The following LMO4 variants were observed in gnomAD, a reference collection of about 807,000 sequenced individuals.
LMO4 encodes the protein LIM domain transcription factor LMO4.
LMO4 carries 3 observed loss-of-function variants against 18.5 expected under a neutral mutation model. That is an observed-to-expected ratio of 0.16 (90% CI 0.07 to 0.42). The LOEUF is 0.42. Ranked by LOEUF, LMO4 falls within the 10% of genes least tolerant of loss-of-function variation. The pLI is 0.99. For synonymous variants in LMO4, 100 were observed against 88.1 expected (o/e 1.14, Z -0.76); for missense variants, 121 against 219.9 (o/e 0.55, Z 2.84).
intron 4 of LMO4, among the ~76,000 whole-genome samples, chr1:87,342,669 G>GT (rs1274118677): frequency 1.3e-5 from 2 of 151,942 alleles, no homozygotes; most frequent in African/African-American, 2.4e-5. Context: ...CCCTGTTGGC[G>GT]TAAGTGTCTC....
intron 4 of LMO4, 116 bp from the exon 5 acceptor site, chr1:87,344,672 A>T: frequency 9.8e-7 from 1 of 1,017,728 alleles, no homozygotes; most frequent in Non-Finnish European, 1.5e-6. Context: ...ACAGTTGGAA[A>T]GTAATCTAAT....
At position 87,341,650 on chromosome 1, in the gene LMO4, A is replaced by C. The variant is rs528365284; in HGVS notation, c.489+1448A>C. Among the ~76,000 whole-genome samples, 93 of 152,266 alleles carry C rather than the reference A, an allele frequency of 6.1e-4. 2 individuals carry two copies. In the South Asian group the frequency reaches 9.7e-3, roughly 16 times the overall value. ...TTATATTTGCCCTTTTCCCTTGCTC[A>C]AGTTTATGAGGTAATTTTAAATGTA... On this transcript the variant is annotated intron_variant, in intron 4 of 4. Transcript: ENST00000370544.
At chr1:87,342,636 G>T (rs930398356) in intron 4 of LMO4, among the ~76,000 whole-genome samples, 24 of 152,072 alleles carry the variant, frequency 1.6e-4, no homozygotes, top group Admixed American at 1.5e-3. Flanking sequence ...GTGTTTTGGG[G>T]GTGCTGTTAA....
rs1650616362 is a variant in LMO4, at chr1:87,345,989, G to A, written c.*1193G>A. ...GGCACAACCATCCTGTTCTCTTATT[G>A]AGTTTATAGCTTTTGAAGGAAGTCA... On this transcript the variant is annotated 3_prime_UTR_variant, in exon 5 of 5. Coordinates refer to ENST00000370544, the MANE Select transcript of LMO4 (RefSeq NM_006769.4). 6.6e-6 allele frequency: 1 copy of A among 152,044 alleles called. No individual in the cohort carries two copies. Among genetic ancestry groups the A allele is most frequent in the African/African-American group, 2.4e-5 (1 of 41,380 alleles). 9.4% of individuals were successfully genotyped at this position (152,044 alleles called of 1,614,324 possible). A position where few individuals can be genotyped will look rare whatever the true frequency, so the allele number is the denominator to read the frequency against.
At chr1:87,331,834 C>T in intron 1 of LMO4, 179 bp from the exon 2 acceptor site, 1 of 587,726 alleles carries the variant, frequency 1.7e-6, no homozygotes, top group Non-Finnish European at 3.0e-6. Flanking sequence ...CGGCTGCTGC[C>T]GGCGAGCCTC....
At chr1:87,333,468 A>G (rs1250438619) in intron 2 of LMO4, among the ~76,000 whole-genome samples, 1 of 152,154 alleles carries the variant, frequency 6.6e-6, no homozygotes, top group African/African-American at 2.4e-5. Flanking sequence ...ATTTTGTTCA[A>G]AGTTTAGCTC....
rs560740370 is a variant in LMO4 at position 87,346,670 on chromosome 1, C to T, written c.*1874C>T. The T allele has an allele frequency of 1.7e-4, 26 of 152,076 alleles. No individual in the cohort carries two copies. Among genetic ancestry groups the T allele is most frequent in the African/African-American group, 6.3e-4 (26 of 41,498 alleles). The allele number at this position is 152,076 out of a possible 1,614,324, so 9.4% of individuals were successfully genotyped here. A position where few individuals can be genotyped will look rare whatever the true frequency, so the allele number is the denominator to read the frequency against. On this transcript the variant is annotated 3_prime_UTR_variant, in exon 5 of 5. Coordinates refer to ENST00000370544, the MANE Select transcript of LMO4 (RefSeq NM_006769.4). ...TTCCAGGGCAGGGGAAAAAAAAAAT[C>T]AGTTGAACTTCAAACCTCCTAGAGG...
At chr1:87,332,904 A>G (rs1650197963) in intron 2 of LMO4, among the ~76,000 whole-genome samples, 1 of 152,190 alleles carries the variant, frequency 6.6e-6, no homozygotes, top group South Asian at 2.1e-4. Flanking sequence ...GCAATAATTC[A>G]GTTAGTGTGT....
At position 87,348,384 on chromosome 1, in the gene LMO4, A is replaced by G; in HGVS notation, c.*3588A>G. 3.8e-6 allele frequency: 1 copy of G among 266,208 alleles called. No homozygotes were observed. The highest frequency in any genetic ancestry group is 4.3e-5 in the South Asian group (1 of 23,214). The allele number at this position is 266,208 out of a possible 1,614,324, so 16.5% of individuals were successfully genotyped here. On this transcript the variant is annotated 3_prime_UTR_variant, in exon 5 of 5. Transcript: ENST00000370544. ...TGTTACTTATAGCTTTGTTACTAAGACTCACCTATTGTTAGTGCAGCCAAG... is the reference window on the plus strand; with the variant it reads ...TGTTACTTATAGCTTTGTTACTAAGGCTCACCTATTGTTAGTGCAGCCAAG...
At chr1:87,339,500 T>G in intron 2 of LMO4, 36 bp from the exon 3 acceptor site, 1 of 1,468,700 alleles carries the variant, frequency 6.8e-7, no homozygotes, top group Non-Finnish European at 9.5e-7. Context: ...TGGTTTAGGA[T>G]TATTCACTGG....
rs1650273573 is a variant in LMO4, at chr1:87,335,299, G to A, written c.236+3048G>A. Among the ~76,000 whole-genome samples the A allele has an allele frequency of 2.0e-5, 3 of 152,154 alleles. No individual in the cohort carries two copies. The South Asian group carries it at 6.2e-4, about 31-fold the overall frequency. ...AGCGAGAGGAGGAAGTTCGGAGACC[G>A]GCGGGTGGGGCTCCAGGTCCGGGGA... On this transcript the variant is annotated intron_variant, in intron 2 of 4. Transcript: ENST00000370544.
At chr1:87,333,954 AAC>A (rs1491166109) in intron 2 of LMO4, among the ~76,000 whole-genome samples, 6 of 151,928 alleles carry the variant, frequency 3.9e-5, no homozygotes, top group African/African-American at 1.4e-4. Flanking sequence ...AAAAAAAAAA[AAC>A]AAAAAACAAA....
At chr1:87,329,433 C>A (rs899952386) in intron 1 of LMO4, among the ~76,000 whole-genome samples, 189 bp downstream of exon 1, 18 of 152,230 alleles carry the variant, frequency 1.2e-4, no homozygotes, top group African/African-American at 4.3e-4. Flanking sequence ...GCGCGGAGGG[C>A]AGCCCCGGGC....
At chr1:87,340,012 A>G (rs2100565189) in intron 3 of LMO4, 35 bp from the exon 4 acceptor site, 2 of 1,603,370 alleles carry the variant, frequency 1.2e-6, no homozygotes, top group South Asian at 2.2e-5. Context: ...CTTAATTTTT[A>G]CCTTGTTTTC....
At position 87,346,551 on chromosome 1, in the gene LMO4, C is replaced by T. The variant is rs748113544; in HGVS notation, c.*1755C>T. ...TGTAGACCCTCCCTCTGAGAATAGCCGTGGAGCCATGTAGAGAGGTGTAGC... is the reference window on the plus strand; with the variant it reads ...TGTAGACCCTCCCTCTGAGAATAGCTGTGGAGCCATGTAGAGAGGTGTAGC... On this transcript the variant is annotated 3_prime_UTR_variant, in exon 5 of 5. Coordinates refer to ENST00000370544, the MANE Select transcript of LMO4 (RefSeq NM_006769.4). The T allele has an allele frequency of 4.6e-5, 7 of 152,082 alleles. No individual in the cohort carries two copies. The highest frequency in any genetic ancestry group is 1.0e-4 in the Non-Finnish European group (7 of 68,034). The allele number at this position is 152,082 out of a possible 1,614,324, so 9.4% of individuals were successfully genotyped here.
intron 3 of LMO4, 95 bp downstream of exon 3, chr1:87,339,727 T>C (rs1650419063): frequency 3.7e-6 from 3 of 806,160 alleles, no homozygotes; most frequent in East Asian, 2.7e-5. Flanking sequence ...TGAACTGTTT[T>C]CTCAAGCTGC....
intron 4 of LMO4, 96 bp from the exon 5 acceptor site, chr1:87,344,692 T>G: frequency 8.4e-7 from 1 of 1,187,864 alleles, no homozygotes; most frequent in Non-Finnish European, 1.3e-6. Flanking sequence ...TAAAAGAAGA[T>G]TAGTGAATGT....
At chr1:87,334,809 T>TC (rs1557613846) in intron 2 of LMO4, among the ~76,000 whole-genome samples, 2 of 152,076 alleles carry the variant, frequency 1.3e-5, no homozygotes, top group Non-Finnish European at 2.9e-5. Flanking sequence ...CTCCTCTCCC[T>TC]CCAAGATTTC....
chr1:87,341,822 C>T (rs1186845373), intron 4 of LMO4, among the ~76,000 whole-genome samples: 1 of 152,132 alleles, frequency 6.6e-6, no homozygotes, highest in Non-Finnish European at 1.5e-5. Context: ...GTATTTCAAG[C>T]TTCTTCAAGG....
Sources: gnomAD v4.1 joint callset for allele counts (sites outside exome capture counted in the v4.1 genomes callset) on GRCh38, gnomAD v4.1.1 for gene constraint, MANE v1.5 for transcripts, NCBI Gene and HGNC (gene_info 2026-07-23, HGNC 2026-07-21) for gene names.